The following FGF13 variants were observed in gnomAD, a reference collection of about 807,000 sequenced individuals.
FGF13 encodes the protein fibroblast growth factor homologous factor 2.
In FGF13, 2 loss-of-function variants were observed where a neutral mutation model predicts 19.5. The ratio of observed to expected loss-of-function variants is 0.10; its 90% CI spans 0.04 to 0.32. FGF13 has a LOEUF of 0.32. Ranked by LOEUF, FGF13 falls within the 10% of genes least tolerant of loss-of-function variation. The pLI, the probability that FGF13 is intolerant of heterozygous loss-of-function variation, is 1.00. For synonymous variants in FGF13, 72 were observed against 76.9 expected, an observed-to-expected ratio of 0.94 and a Z score of 0.33; for missense variants, 113 against 192.7, an observed-to-expected ratio of 0.59 and a Z score of 2.45.
At chrX:138,919,196 C>T (rs2091632539) in intron 1 of FGF13, among the ~76,000 whole-genome samples, 1 of 111,526 alleles carries the variant, frequency 9.0e-6, no homozygotes, top group Non-Finnish European at 1.9e-5. Flanking sequence ...GACAGGACAA[C>T]ATTTGTGGTA....
intron 1 of FGF13, among the ~76,000 whole-genome samples, chrX:139,104,398 T>C (rs1484635884): frequency 9.1e-6 from 1 of 109,752 alleles, no homozygotes; most frequent in Non-Finnish European, 1.9e-5. Context: ...AGCCAGTCTA[T>C]CAGTAAGAAA....
chrX:139,149,791 T>C (rs1050674067), intron 1 of FGF13, among the ~76,000 whole-genome samples: 4 of 112,028 alleles, frequency 3.6e-5, no homozygotes, highest in African/African-American at 1.3e-4. Flanking sequence ...ATAAACTTCA[T>C]GTACATACTC....
At chrX:138,945,549 G>C (rs1369631903) in intron 1 of FGF13, among the ~76,000 whole-genome samples, 1 of 111,968 alleles carries the variant, frequency 8.9e-6, no homozygotes, top group Non-Finnish European at 1.9e-5. Flanking sequence ...GGGCTTTTTA[G>C]TATTAACAGG....
chrX:139,039,231 GA>G (rs2073600276), intron 1 of FGF13, among the ~76,000 whole-genome samples: 1 of 112,061 alleles, frequency 8.9e-6, no homozygotes. Flanking sequence ...ACCTAAAAAT[GA>G]GGAAACTAAG....
intron 1 of FGF13, among the ~76,000 whole-genome samples, chrX:139,178,403 G>A (rs912878712): frequency 1.8e-5 from 2 of 112,037 alleles, no homozygotes; most frequent in Admixed American, 1.9e-4. Flanking sequence ...CTGCCAGAGG[G>A]AATTTGCAAA....
intron 1 of FGF13, among the ~76,000 whole-genome samples, chrX:139,040,568 T>G (rs746249457): frequency 3.5e-4 from 39 of 111,520 alleles, no homozygotes; most frequent in African/African-American, 1.2e-3. Flanking sequence ...CTGGCGAGAT[T>G]GTGGAGAAAA....
Position 138,841,904 on chromosome X carries a change from T to C in FGF13, c.217+15608A>G, listed in dbSNP as rs780544464. ...AAGTGATGCTTCATTTTGGCAGTTA[T>C]TTTAAAGATTAAATACTGAGTGAAG... On this transcript the variant is annotated intron_variant, in intron 3 of 6. Transcript: ENST00000436198. 4.5e-5 allele frequency among the ~76,000 whole-genome samples: 5 copies of C among 111,937 alleles called. No individual in the cohort carries two copies. The East Asian group carries it at 1.4e-3, about 31-fold the overall frequency.
chrX:139,087,189 G>A (rs1481688186), intron 1 of FGF13, among the ~76,000 whole-genome samples: 2 of 110,999 alleles, frequency 1.8e-5, no homozygotes, highest in African/African-American at 6.6e-5. Flanking sequence ...CCAGCTACTT[G>A]GGAAGCTGAG....
intron 1 of FGF13, among the ~76,000 whole-genome samples, chrX:139,060,272 ACATATCTTG>A (rs1294470742): frequency 1.4e-4 from 16 of 111,245 alleles, no homozygotes; most frequent in African/African-American, 4.9e-4. Context: ...ATATGTACTT[ACATATCTTG>A]CATATCTTTT....
At chrX:139,198,621 T>G (rs2084392433) in intron 1 of FGF13, among the ~76,000 whole-genome samples, 1 of 112,394 alleles carries the variant, frequency 8.9e-6, no homozygotes, top group Admixed American at 9.4e-5. Context: ...AAACAGTCAT[T>G]GTAATTTAGA....
rs138458038 is a variant in FGF13 at position 139,175,767 on chromosome X, A to G, written c.-113+27649T>C. On this transcript the variant is annotated intron_variant, in intron 1 of 2. Coordinates refer to the FGF13 transcript ENST00000421460. Reference sequence around the variant, plus strand: ...GATGAAGCCCACTTGATTGTAGTGGATAAGTTTTTTGATGTGCTGCTAGAT... The same window carrying G: ...GATGAAGCCCACTTGATTGTAGTGGGTAAGTTTTTTGATGTGCTGCTAGAT... Among the ~76,000 whole-genome samples the G allele has an allele frequency of 5.2e-3, 581 of 111,931 alleles. 4 individuals carry two copies. Among genetic ancestry groups the G allele is most frequent in the African/African-American group, 0.018 (561 of 30,806 alleles).
intron 1 of FGF13, among the ~76,000 whole-genome samples, chrX:138,950,020 T>C (rs1212224026): frequency 9.0e-6 from 1 of 111,643 alleles, no homozygotes; most frequent in Non-Finnish European, 1.9e-5. Context: ...TCCCTCCCCA[T>C]CCCCTACAAC....
chrX:138,811,205 T>A (rs748191992), intron 3 of FGF13, among the ~76,000 whole-genome samples: 1,682 of 111,458 alleles, frequency 0.015, 31 homozygotes, highest in African/African-American at 0.048. Context: ...CAAATGTCCA[T>A]CAATGATAGA....
intron 1 of FGF13, among the ~76,000 whole-genome samples, chrX:139,165,940 G>A (rs1429006117): frequency 8.9e-6 from 1 of 111,992 alleles, no homozygotes; most frequent in East Asian, 2.8e-4. Context: ...TATCTAGGAA[G>A]TAACTAACTT....
At chrX:139,180,099 C>T (rs1376669617) in intron 1 of FGF13, among the ~76,000 whole-genome samples, 1 of 112,537 alleles carries the variant, frequency 8.9e-6, no homozygotes, top group Non-Finnish European at 1.9e-5. Context: ...CCCCTACCCT[C>T]CCACTTTGAC....
intron 1 of FGF13, among the ~76,000 whole-genome samples, chrX:139,040,780 C>G (rs142832003): frequency 0.031 from 3,433 of 110,613 alleles, 164 homozygotes; most frequent in African/African-American, 0.11. Context: ...GCACCATTCA[C>G]AATACCAAAA....
At chrX:138,997,026 AC>A (rs1314082467) in intron 1 of FGF13, among the ~76,000 whole-genome samples, 1 of 112,244 alleles carries the variant, frequency 8.9e-6, no homozygotes, top group Non-Finnish European at 1.9e-5. Flanking sequence ...TGCTGGTGAT[AC>A]CCAGGCAAAC....
chrX:138,688,235 T>A (rs1335486625), intron 3 of FGF13, among the ~76,000 whole-genome samples: 1 of 110,254 alleles, frequency 9.1e-6, no homozygotes, highest in African/African-American at 3.3e-5. Flanking sequence ...AGTGCTGGGA[T>A]TACAGGCATG....
At chrX:138,983,909 T>G (rs1603096133) in intron 1 of FGF13, among the ~76,000 whole-genome samples, 5 of 111,140 alleles carry the variant, frequency 4.5e-5, no homozygotes, top group South Asian at 7.7e-4. Context: ...GTTTAACATT[T>G]TGCCTATAGT....
Sources: allele counts gnomAD v4.1 joint callset (sites outside exome capture counted in the v4.1 genomes callset), GRCh38; gene constraint gnomAD v4.1.1; transcripts MANE v1.5; gene names NCBI Gene and HGNC (gene_info 2026-07-23, HGNC 2026-07-21).